Variants in ZFHX3 observed in about 807,000 individuals in gnomAD.
ZFHX3 encodes zinc finger homeobox 3.
Under a neutral mutation model 279.1 loss-of-function variants are expected in ZFHX3, and 42 were observed. The ratio of observed to expected loss-of-function variants is 0.15; its 90% CI spans 0.12 to 0.19. ZFHX3 has a LOEUF of 0.19. ZFHX3 is among the 10% of genes least tolerant of loss of function. The probability of loss-of-function intolerance (pLI) is 1.00; values close to 1 mark genes in which losing one functional copy is unlikely to be tolerated. For synonymous variants in ZFHX3, 2,293 were observed against 1,957.8 expected (o/e 1.17, Z -4.52); for missense variants, 4,981 against 4,754.0 (o/e 1.05, Z -1.40).
intron 5 of ZFHX3, among the ~76,000 whole-genome samples, chr16:73,215,537 T>A (rs1266771879): frequency 6.6e-6 from 1 of 152,208 alleles, no homozygotes; most frequent in Non-Finnish European, 1.5e-5. Context: ...TCTAAATATA[T>A]GAGTGAGGCC....
intron 5 of ZFHX3, among the ~76,000 whole-genome samples, chr16:73,185,129 T>G (rs1036959548): frequency 1.3e-5 from 2 of 152,068 alleles, no homozygotes; most frequent in Non-Finnish European, 2.9e-5. Flanking sequence ...ATGTACCATC[T>G]CTTATAGGCA....
chr16:73,425,257 A>C (rs1379355637), intron 3 of ZFHX3, among the ~76,000 whole-genome samples: 1 of 152,186 alleles, frequency 6.6e-6, no homozygotes, highest in Non-Finnish European at 1.5e-5. Context: ...CTCTCTCCCC[A>C]GTCTTGTGCC....
intron 2 of ZFHX3, among the ~76,000 whole-genome samples, chr16:73,560,646 G>A (rs931662534): frequency 1.3e-5 from 2 of 152,196 alleles, no homozygotes; most frequent in Non-Finnish European, 1.5e-5. Flanking sequence ...CCCAGACTGG[G>A]GATTCAGCAG....
chr16:73,184,774 A>T (rs542652238), intron 5 of ZFHX3, among the ~76,000 whole-genome samples: 1 of 152,222 alleles, frequency 6.6e-6, no homozygotes. Context: ...TTTGGGAGAA[A>T]AAAAATGTCA....
chr16:72,856,987 C>T (rs182894426), intron 4 of ZFHX3, among the ~76,000 whole-genome samples: 9 of 152,336 alleles, frequency 5.9e-5, no homozygotes, highest in South Asian at 4.1e-4. Flanking sequence ...CACTGACACC[C>T]GCAGGTGATG....
At chr16:72,969,083 T>C (rs1961983536) in intron 1 of ZFHX3, among the ~76,000 whole-genome samples, 1 of 152,110 alleles carries the variant, frequency 6.6e-6, no homozygotes, top group Non-Finnish European at 1.5e-5. Context: ...ACACTTGAAA[T>C]TGTTAAAAGA....
chr16:73,312,526 TGA>T (rs1206440020), intron 4 of ZFHX3, among the ~76,000 whole-genome samples: 1 of 152,030 alleles, frequency 6.6e-6, no homozygotes, highest in Non-Finnish European at 1.5e-5. Flanking sequence ...GCTGGGAAAA[TGA>T]GAGAGCAGCG....
intron 2 of ZFHX3, among the ~76,000 whole-genome samples, chr16:73,478,405 T>G (rs544353065): frequency 2.6e-5 from 4 of 152,300 alleles, no homozygotes; most frequent in South Asian, 2.1e-4. Flanking sequence ...CCCTGCTAGT[T>G]TATTTTAATG....
chr16:73,552,715 G>C (rs559156401), intron 2 of ZFHX3, among the ~76,000 whole-genome samples: 1 of 148,462 alleles, frequency 6.7e-6, no homozygotes, highest in South Asian at 2.1e-4. Context: ...GGGAAGAAAG[G>C]CATTTTGTTC....
chr16:73,608,300 A>G (rs376196007), intron 2 of ZFHX3, among the ~76,000 whole-genome samples: 2 of 152,196 alleles, frequency 1.3e-5, no homozygotes, highest in African/African-American at 2.4e-5. Context: ...AATCCAAAAG[A>G]TAAGTGCTCA....
chr16:72,869,578 T>C (rs2038105235), intron 4 of ZFHX3, among the ~76,000 whole-genome samples: 1 of 126,298 alleles, frequency 7.9e-6, no homozygotes, highest in Admixed American at 7.6e-5. Flanking sequence ...AGTGACATTT[T>C]AGAAAATTCT....
chr16:73,274,213 G>A (rs2014232649), intron 4 of ZFHX3, among the ~76,000 whole-genome samples: 1 of 152,224 alleles, frequency 6.6e-6, no homozygotes, highest in African/African-American at 2.4e-5. Context: ...GTATTCCTGT[G>A]AAGAACGGTG....
chr16:73,866,790 A>G (rs1378954941), intron 1 of ZFHX3, among the ~76,000 whole-genome samples: 2 of 152,202 alleles, frequency 1.3e-5, no homozygotes, highest in Non-Finnish European at 2.9e-5. Context: ...AAGGAGTAGG[A>G]AAAGGGCAGA....
chr16:73,037,827 T>C (rs758090697), intron 1 of ZFHX3, among the ~76,000 whole-genome samples: 6 of 147,064 alleles, frequency 4.1e-5, no homozygotes, highest in Non-Finnish European at 9.0e-5. Context: ...AAAGATAAAA[T>C]AAACAAACAG....
rs531298884 is a variant in ZFHX3, at chr16:73,831,855, A to G, written c.-1608+59796T>C. Among the ~76,000 whole-genome samples the G allele has an allele frequency of 4.6e-5, 7 of 152,310 alleles. No homozygotes were observed. In the South Asian group the frequency reaches 1.0e-3, roughly 23 times the overall value. The stretch of plus-strand genomic sequence containing the variant: ...GGCAACTGGACATCCATTTGTCCCA[A>G]TCTGGCCAGGGCTGGCCCTCACCTG... On this transcript the variant is annotated intron_variant, in intron 1 of 17. Coordinates refer to the ZFHX3 transcript ENST00000641206.
chr16:73,515,150 T>C (rs1445628723), intron 2 of ZFHX3, among the ~76,000 whole-genome samples: 2 of 152,188 alleles, frequency 1.3e-5, no homozygotes, highest in African/African-American at 4.8e-5. Context: ...CACTTTTATC[T>C]GCATAACTTT....
intron 5 of ZFHX3, among the ~76,000 whole-genome samples, chr16:73,168,215 CTTTCTTTCTT>C (rs1555502333): frequency 1.7e-3 from 153 of 92,502 alleles, no homozygotes; most frequent in African/African-American, 7.0e-3. Flanking sequence ...CTTTTGTTTT[CTTTCTTTCTT>C]TCTTTCTTTC....
intron 3 of ZFHX3, among the ~76,000 whole-genome samples, chr16:72,916,233 C>A (rs1685968744): frequency 6.6e-6 from 1 of 152,148 alleles, no homozygotes; most frequent in Admixed American, 6.5e-5. Flanking sequence ...TTATTACTAA[C>A]ACCGAACTGG....
rs1037758130 is a variant in ZFHX3 at position 73,773,617 on chromosome 16, C to T, written c.-1607-93377G>A. Among the ~76,000 whole-genome samples, 15 of 152,284 alleles carry T rather than the reference C, an allele frequency of 9.9e-5. 1 individual carries two copies. Among genetic ancestry groups the T allele is most frequent in the Admixed American group, 3.9e-4 (6 of 15,306 alleles). On this transcript the variant is annotated intron_variant, in intron 1 of 17. Transcript: ENST00000641206. The stretch of plus-strand genomic sequence containing the variant: ...GCAAGGAAAGGGACAGAGAGAGGGC[C>T]ATCCGGGAAGGCCTGTCTCAGGTAG...
Sources: gnomAD v4.1 joint callset for allele counts (sites outside exome capture counted in the v4.1 genomes callset) on GRCh38, gnomAD v4.1.1 for gene constraint, MANE v1.5 for transcripts, NCBI Gene and HGNC (gene_info 2026-07-23, HGNC 2026-07-21) for gene names.